The following LRRIQ3 variants were observed in gnomAD, a reference collection of about 807,000 sequenced individuals.
The protein encoded by LRRIQ3 is leucine rich repeats and IQ motif containing 3, also known as leucine-rich repeat and IQ domain-containing protein 3.
Under a neutral mutation model 59.3 loss-of-function variants are expected in LRRIQ3, and 75 were observed. The observed-to-expected ratio is 1.26, with a 90% CI of 1.05 to 1.53. The LOEUF is 1.53. LRRIQ3 is among the 40% of genes most tolerant of loss of function. The pLI is 0.00. For missense variants in LRRIQ3, 831 were observed against 710.0 expected, an observed-to-expected ratio of 1.17 and a Z score of -1.94; for synonymous variants, 250 against 231.3, an observed-to-expected ratio of 1.08 and a Z score of -0.73.
intron 3 of LRRIQ3, chr1:74,181,183 G>C: frequency 6.0e-6 from 1 of 166,628 alleles, no homozygotes. Flanking sequence ...TCTACACTGT[G>C]TTCTTTCTTC....
At chr1:74,188,503 TTCTC>T (rs1416678347) in intron 1 of LRRIQ3, among the ~76,000 whole-genome samples, 1 of 152,166 alleles carries the variant, frequency 6.6e-6, no homozygotes, top group African/African-American at 2.4e-5. Context: ...GATGTTACAC[TTCTC>T]TCTCAGTGTA....
intron 7 of LRRIQ3, among the ~76,000 whole-genome samples, chr1:74,031,180 C>T (rs929879723): frequency 1.3e-5 from 2 of 152,124 alleles, no homozygotes; most frequent in African/African-American, 4.8e-5. Context: ...TAGACTAGTT[C>T]CACCATTGTG....
chr1:74,149,049 A>C (rs1647756264), intron 4 of LRRIQ3, among the ~76,000 whole-genome samples: 1 of 151,968 alleles, frequency 6.6e-6, no homozygotes, highest in Non-Finnish European at 1.5e-5. Context: ...TTATATGGTT[A>C]TAAGGTATTA....
At chr1:74,190,213 C>T (rs776553818) in intron 1 of LRRIQ3, among the ~76,000 whole-genome samples, 1 of 151,948 alleles carries the variant, frequency 6.6e-6, no homozygotes, top group Non-Finnish European at 1.5e-5. Context: ...AAATATCAGA[C>T]TGGGAATTGA....
chr1:74,186,036 T>C (rs1172201345), intron 1 of LRRIQ3, among the ~76,000 whole-genome samples: 5 of 149,882 alleles, frequency 3.3e-5, no homozygotes, highest in African/African-American at 1.2e-4. Context: ...AAATTATATA[T>C]ATGTACACAA....
At chr1:74,045,688 A>G (rs1187763527) in intron 6 of LRRIQ3, among the ~76,000 whole-genome samples, 6 of 152,200 alleles carry the variant, frequency 3.9e-5, no homozygotes, top group Non-Finnish European at 8.8e-5. Context: ...TTTGCAGATG[A>G]CATGATTGTA....
At chr1:74,067,414 G>C (rs890793416) in intron 6 of LRRIQ3, among the ~76,000 whole-genome samples, 1 of 152,094 alleles carries the variant, frequency 6.6e-6, no homozygotes, top group Non-Finnish European at 1.5e-5. Context: ...TGAATGTGTG[G>C]AGAATTACGG....
At chr1:74,065,224 C>T (rs922295816) in intron 6 of LRRIQ3, among the ~76,000 whole-genome samples, 1 of 152,056 alleles carries the variant, frequency 6.6e-6, no homozygotes, top group African/African-American at 2.4e-5. Context: ...AAATGTTCAT[C>T]CCAGCTTATG....
Position 74,109,496 on chromosome 1 carries a change from TG to T in LRRIQ3, c.764del (p.Ala255GlufsTer6). ...ACCCTTTGGTTATGTAAATCCATTT[TG>T]CTTCATATCCTCTAATAATTTTTTC... ...QQEKIIRGYE[A>X]KWIYITKGYE... On this transcript the variant is annotated frameshift_variant, in exon 5 of 8. Coordinates refer to ENST00000354431, the MANE Select transcript of LRRIQ3 (RefSeq NM_001105659.2). LOFTEE classifies it high-confidence loss of function. The T allele has an allele frequency of 6.4e-7, 1 of 1,573,942 alleles. No homozygotes were observed. The highest frequency in any genetic ancestry group is 8.6e-7 in the Non-Finnish European group (1 of 1,164,154).
At chr1:74,156,264 T>G (rs559939384) in intron 3 of LRRIQ3, among the ~76,000 whole-genome samples, 35 of 152,278 alleles carry the variant, frequency 2.3e-4, no homozygotes, top group African/African-American at 8.2e-4. Flanking sequence ...ACCATGATTG[T>G]AGGTTTCCTG....
At position 74,182,741 on chromosome 1, in the gene LRRIQ3, G is replaced by A. The variant is rs778740221; in HGVS notation, c.370C>T (p.Leu124Phe). 9.3e-6 allele frequency: 15 copies of A among 1,612,336 alleles called. No individual in the cohort carries two copies. The South Asian group carries it at 1.4e-4, about 15-fold the overall frequency. ...CAATCAAACATAGTGAGGGCAATGA[G>A]GGTTGGACAGGCAGATAATACACAT... is the stretch of plus-strand genomic sequence containing the variant. ...NICVLSACPT[L>F]IALTMFDCPV... The change falls in exon 3 of 8, where the codon CTC (leucine) becomes TTC (phenylalanine). Residue 124 changes from leucine (L) to phenylalanine (F), a missense_variant. Coordinates refer to ENST00000354431, the MANE Select transcript of LRRIQ3 (RefSeq NM_001105659.2).
intron 5 of LRRIQ3, chr1:74,084,343 G>A (rs767728675): frequency 1.8e-4 from 148 of 816,692 alleles, no homozygotes; most frequent in Non-Finnish European, 2.6e-4. Context: ...CTCAAGATTT[G>A]CTTTTAGGTG....
At chr1:74,167,659 G>A (rs935303377) in intron 3 of LRRIQ3, among the ~76,000 whole-genome samples, 3 of 151,698 alleles carry the variant, frequency 2.0e-5, no homozygotes, top group African/African-American at 7.3e-5. Context: ...ACTGGATATT[G>A]TGTACATTGC....
At chr1:74,064,374 C>A (rs1174209667) in intron 6 of LRRIQ3, among the ~76,000 whole-genome samples, 1 of 151,818 alleles carries the variant, frequency 6.6e-6, no homozygotes, top group Non-Finnish European at 1.5e-5. Flanking sequence ...TGTTATATGG[C>A]CAACAATATA....
intron 5 of LRRIQ3, among the ~76,000 whole-genome samples, chr1:74,098,629 T>A (rs901837037): frequency 6.6e-6 from 1 of 152,148 alleles, no homozygotes; most frequent in Non-Finnish European, 1.5e-5. Flanking sequence ...TCTCACTTAT[T>A]CCAAAATTGA....
chr1:74,158,975 C>T (rs920900064), intron 3 of LRRIQ3, among the ~76,000 whole-genome samples: 5 of 152,118 alleles, frequency 3.3e-5, no homozygotes, highest in Non-Finnish European at 4.4e-5. Flanking sequence ...ACACAGTCTC[C>T]CTTTAACAGC....
At chr1:74,084,591 C>A (rs1646307329) in intron 5 of LRRIQ3, among the ~76,000 whole-genome samples, 1 of 151,444 alleles carries the variant, frequency 6.6e-6, no homozygotes, top group African/African-American at 2.4e-5. Flanking sequence ...ACAAAAAGTG[C>A]AGATCTTATG....
chr1:74,060,869 C>A (rs114691841), intron 6 of LRRIQ3, among the ~76,000 whole-genome samples: 2,188 of 152,182 alleles, frequency 0.014, 52 homozygotes, highest in African/African-American at 0.05. Context: ...GGGACCTCTG[C>A]ATGTAGCTAC....
chr1:74,026,875 T>G lies in LRRIQ3; in HGVS notation c.1813A>C (p.Thr605Pro), dbSNP rs773139355. The G allele has an allele frequency of 4.4e-6, 7 of 1,608,076 alleles. No individual in the cohort carries two copies. In the African/African-American group the frequency reaches 6.7e-5, roughly 15 times the overall value. The change falls in exon 8 of 8, where the codon ACA (threonine) becomes CCA (proline). Residue 605 changes from threonine to proline, a missense_variant. Thr to Pro is a conservative substitution (Grantham distance 38, BLOSUM62 -1). Transcript: ENST00000354431. ...TTTGTTTTCACAATTGCTACTTTTG[T>G]TTTAGCATCTTGAAGTCTTTCACAG... is the stretch of plus-strand genomic sequence containing the variant. Reference protein sequence around the residue: ...KACERLQDAKTKVAIVKTNLD... With the variant: ...KACERLQDAKPKVAIVKTNLD...
Sources: allele counts gnomAD v4.1 joint callset (sites outside exome capture counted in the v4.1 genomes callset), GRCh38; gene constraint gnomAD v4.1.1; transcripts MANE v1.5; gene names NCBI Gene and HGNC (gene_info 2026-07-23, HGNC 2026-07-21).